Variants in MGAT5 observed in about 807,000 individuals in gnomAD.
MGAT5 encodes alpha-1,6-mannosylglycoprotein 6-beta-N-acetylglucosaminyltransferase A.
MGAT5 carries 30 observed loss-of-function variants against 94.3 expected under a neutral mutation model. The observed-to-expected ratio is 0.32, with a 90% CI of 0.24 to 0.43. MGAT5 has a LOEUF of 0.43. Ranked by LOEUF, MGAT5 falls within the 20% of genes least tolerant of loss-of-function variation. MGAT5 has a pLI of 1.00. For synonymous variants in MGAT5, 310 were observed against 322.9 expected (o/e 0.96, Z 0.43); for missense variants, 691 against 905.5 (o/e 0.76, Z 3.04).
intron 1 of MGAT5, among the ~76,000 whole-genome samples, chr2:134,161,780 T>G (rs1353134738): frequency 6.6e-6 from 1 of 152,202 alleles, no homozygotes; most frequent in African/African-American, 2.4e-5. Context: ...AGATTTATTT[T>G]TTTTTAAATG....
chr2:134,228,994 C>T (rs1229609526), intron 1 of MGAT5, among the ~76,000 whole-genome samples: 63 of 152,186 alleles, frequency 4.1e-4, no homozygotes, highest in Non-Finnish European at 2.9e-5. Flanking sequence ...TCTGTATGAT[C>T]TAGAGTTCCT....
intron 2 of MGAT5, among the ~76,000 whole-genome samples, chr2:134,297,538 T>A (rs1409233888): frequency 6.6e-6 from 1 of 152,198 alleles, no homozygotes; most frequent in African/African-American, 2.4e-5. Flanking sequence ...GGGTTATATA[T>A]AATGAACAAT....
chr2:134,157,551 T>C (rs865798273), intron 1 of MGAT5, among the ~76,000 whole-genome samples: 6 of 152,088 alleles, frequency 3.9e-5, no homozygotes, highest in African/African-American at 1.4e-4. Flanking sequence ...CAGGGACTGG[T>C]TGCATGGAAG....
At chr2:134,345,925 T>A (rs1239936118) in intron 8 of MGAT5, among the ~76,000 whole-genome samples, 1 of 152,188 alleles carries the variant, frequency 6.6e-6, no homozygotes. Flanking sequence ...TGGGTTTTAT[T>A]TATGGTCTTT....
In MGAT5 at chr2:134,127,009, C is replaced by G. The variant is rs997192047; in HGVS notation, c.-143+6718C>G. 4.6e-5 allele frequency: 7 copies of G among 153,472 alleles called. No individual in the cohort carries two copies. The East Asian group carries it at 1.3e-3, about 29-fold the overall frequency. The allele number at this position is 153,472 out of a possible 1,614,324, so 9.5% of individuals were successfully genotyped here. A position where few individuals can be genotyped will look rare whatever the true frequency, so the allele number is the denominator to read the frequency against. ...ATGCAAAGAGAAAGTACCATCTCTG[C>G]CTCATGCTCTGTGTGATTTCTCTGT... On this transcript the variant is annotated intron_variant, in intron 1 of 16. Transcript: ENST00000409645.
At chr2:134,354,782 G>A (rs560696793) in intron 9 of MGAT5, among the ~76,000 whole-genome samples, 14 of 152,268 alleles carry the variant, frequency 9.2e-5, no homozygotes, top group African/African-American at 2.9e-4. Context: ...GATCTATTAA[G>A]TGTTGGGTTT....
intron 2 of MGAT5, among the ~76,000 whole-genome samples, chr2:134,271,770 C>T (rs2105645165): frequency 6.6e-6 from 1 of 152,274 alleles, no homozygotes; most frequent in African/African-American, 2.4e-5. Context: ...GTCATCTAGG[C>T]CGTAAATCCT....
chr2:134,265,383 C>T (rs971248290), intron 1 of MGAT5, among the ~76,000 whole-genome samples: 3 of 152,156 alleles, frequency 2.0e-5, no homozygotes, highest in African/African-American at 7.2e-5. Flanking sequence ...GCTGTCTGCT[C>T]AAGGATGTGT....
At chr2:134,239,199 C>T (rs896953672) in intron 1 of MGAT5, among the ~76,000 whole-genome samples, 97 of 152,148 alleles carry the variant, frequency 6.4e-4, no homozygotes, top group Non-Finnish European at 9.3e-4. Context: ...AGGGGTTCAC[C>T]GTGTTAGCCA....
intron 13 of MGAT5, among the ~76,000 whole-genome samples, chr2:134,425,372 TTTTTG>T (rs953677688): frequency 1.3e-5 from 2 of 152,048 alleles, no homozygotes; most frequent in African/African-American, 2.4e-5. Flanking sequence ...TTTGTTTTTG[TTTTTG>T]TTTTGTTTTG....
intron 10 of MGAT5, among the ~76,000 whole-genome samples, chr2:134,390,342 C>G (rs1465520518): frequency 6.6e-6 from 1 of 151,950 alleles, no homozygotes; most frequent in African/African-American, 2.4e-5. Flanking sequence ...ACTTCAGTTA[C>G]TTTGTTTGTT....
At chr2:134,436,480 C>A (rs567102552) in intron 14 of MGAT5, among the ~76,000 whole-genome samples, 1 of 152,174 alleles carries the variant, frequency 6.6e-6, no homozygotes, top group Non-Finnish European at 1.5e-5. Flanking sequence ...TTGAACTAAG[C>A]ACACCTGTTG....
At chr2:134,414,696 G>T (rs1683869039) in intron 12 of MGAT5, among the ~76,000 whole-genome samples, 1 of 152,078 alleles carries the variant, frequency 6.6e-6, no homozygotes, top group African/African-American at 2.4e-5. Context: ...TCATAATGCT[G>T]CACACTAGTT....
At chr2:134,288,333 G>A (rs968830821) in intron 2 of MGAT5, among the ~76,000 whole-genome samples, 6 of 152,130 alleles carry the variant, frequency 3.9e-5, no homozygotes, top group Admixed American at 2.6e-4. Flanking sequence ...GGCAAATGAC[G>A]GCCTGTGCGC....
At chr2:134,439,925 C>T (rs1685391641) in intron 14 of MGAT5, among the ~76,000 whole-genome samples, 1 of 152,122 alleles carries the variant, frequency 6.6e-6, no homozygotes. Context: ...GTGCTAGGAG[C>T]CCTGGGCCCT....
chr2:134,337,401 G>A (rs563603319), intron 5 of MGAT5, among the ~76,000 whole-genome samples: 27 of 152,244 alleles, frequency 1.8e-4, no homozygotes, highest in Non-Finnish European at 2.6e-4. Context: ...TCGCTTGAGC[G>A]CAAGTTCAAG....
Position 134,302,716 on chromosome 2 carries a change from CTGTGTGTGTGTGTGTGTGTG to C in MGAT5, c.407-14777_407-14758del, listed in dbSNP as rs3034344. 3.9e-3 allele frequency among the ~76,000 whole-genome samples: 523 copies of C among 133,692 alleles called. 1 individual carries two copies. The highest frequency in any genetic ancestry group is 0.015 in the Middle Eastern group (4 of 266). 87.7% of individuals were successfully genotyped at this position (133,692 alleles called of 152,430 possible). On this transcript the variant is annotated intron_variant, in intron 2 of 15. Coordinates refer to ENST00000281923, the MANE Select transcript of MGAT5 (RefSeq NM_002410.5). ...GTTTTCTCTCAGCATTTAAGAAATG[CTGTGTGTGTGTGTGTGTGTG>C]TGTGTGTGTGTGTGTGTGTGTGTGT...
chr2:134,323,580 C>G (rs1687459373), intron 4 of MGAT5, among the ~76,000 whole-genome samples: 1 of 152,074 alleles, frequency 6.6e-6, no homozygotes, highest in South Asian at 2.1e-4. Flanking sequence ...TTTGTTCCTG[C>G]TGTCTCCTTT....
At chr2:134,308,008 A>G (rs1045798673) in intron 2 of MGAT5, among the ~76,000 whole-genome samples, 1 of 152,172 alleles carries the variant, frequency 6.6e-6, no homozygotes, top group African/African-American at 2.4e-5. Flanking sequence ...TAGGGCTAGG[A>G]ATGGCTAACT....
Sources: gnomAD v4.1 joint callset for allele counts (sites outside exome capture counted in the v4.1 genomes callset) on GRCh38, gnomAD v4.1.1 for gene constraint, MANE v1.5 for transcripts, NCBI Gene and HGNC (gene_info 2026-07-23, HGNC 2026-07-21) for gene names.